The following FBXL13 variants were observed in gnomAD, a reference collection of about 807,000 sequenced individuals.
FBXL13 encodes the protein F-box and leucine rich repeat protein 13, also known as F-box and leucine-rich repeat protein 13.
FBXL13 carries 67 observed loss-of-function variants against 83.6 expected under a neutral mutation model. The observed-to-expected ratio is 0.80, with a 90% CI of 0.66 to 0.98. The LOEUF is 0.98. Ranked by LOEUF, FBXL13 falls within the 50% of genes least tolerant of loss-of-function variation. FBXL13 has a pLI of 0.00. For missense variants in FBXL13, 822 were observed against 866.5 expected, an observed-to-expected ratio of 0.95 and a Z score of 0.64; for synonymous variants, 272 against 299.5, an observed-to-expected ratio of 0.91 and a Z score of 0.95.
At chr7:103,031,123 T>C (rs1794469991) in intron 2 of FBXL13, 1 of 152,222 alleles carries the variant, frequency 6.6e-6, no homozygotes, top group African/African-American at 2.4e-5. Flanking sequence ...AGCCCAGTAA[T>C]GCCCCATTCC....
At chr7:102,962,231 A>T (rs1311427834) in intron 8 of FBXL13, among the ~76,000 whole-genome samples, 1 of 152,008 alleles carries the variant, frequency 6.6e-6, no homozygotes, top group Non-Finnish European at 1.5e-5. Flanking sequence ...AAACACATGA[A>T]AAAATGCTCA....
At chr7:102,992,931 G>A (rs1476228655) in intron 6 of FBXL13, among the ~76,000 whole-genome samples, 3 of 152,196 alleles carry the variant, frequency 2.0e-5, no homozygotes, top group Admixed American at 6.5e-5. Flanking sequence ...CAGAGACAGC[G>A]ATTAAGACTA....
At chr7:102,854,356 T>C (rs946328226) in intron 17 of FBXL13, among the ~76,000 whole-genome samples, 8 of 151,860 alleles carry the variant, frequency 5.3e-5, no homozygotes, top group African/African-American at 1.5e-4. Flanking sequence ...GAACATCACA[T>C]TCTGGGGACT....
chr7:103,030,840 T>C (rs992963017), intron 2 of FBXL13, among the ~76,000 whole-genome samples: 2 of 152,224 alleles, frequency 1.3e-5, no homozygotes, highest in Non-Finnish European at 2.9e-5. Flanking sequence ...CATTAATTCA[T>C]GATTTATAAT....
chr7:102,859,720 T>A (rs1159913091), intron 16 of FBXL13, among the ~76,000 whole-genome samples: 1 of 152,134 alleles, frequency 6.6e-6, no homozygotes, highest in Non-Finnish European at 1.5e-5. Flanking sequence ...AGCTGTGGCA[T>A]CACTGCAATG....
Position 102,913,535 on chromosome 7 carries a change from T to C in FBXL13, c.879-320A>G, listed in dbSNP as rs139182817. On this transcript the variant is annotated intron_variant, in intron 10 of 19. Transcript: ENST00000313221. ...GTGTGAGGTGGGGGAGGCAATCATA[T>C]TGTTTGGAAGTGAAACCAAATTTGC... is the stretch of plus-strand genomic sequence containing the variant. Among the ~76,000 whole-genome samples, 568 of 152,304 alleles carry C rather than the reference T, an allele frequency of 3.7e-3. 6 individuals carry two copies. The highest frequency in any genetic ancestry group is 0.013 in the African/African-American group (561 of 41,564).
intron 10 of FBXL13, among the ~76,000 whole-genome samples, chr7:102,920,955 C>CTCGT (rs1584943713): frequency 6.6e-6 from 1 of 151,888 alleles, no homozygotes; most frequent in Non-Finnish European, 1.5e-5. Flanking sequence ...AGTTCGAGAC[C>CTCGT]GGCCTGGCCA....
At chr7:102,966,514 C>T (rs1250713729) in intron 7 of FBXL13, among the ~76,000 whole-genome samples, 1 of 152,044 alleles carries the variant, frequency 6.6e-6, no homozygotes, top group African/African-American at 2.4e-5. Flanking sequence ...AGAATATATA[C>T]AATATTTAGA....
At chr7:103,022,149 C>G (rs909727828) in intron 6 of FBXL13, among the ~76,000 whole-genome samples, 11 of 152,064 alleles carry the variant, frequency 7.2e-5, no homozygotes, top group African/African-American at 2.7e-4. Flanking sequence ...ACTATGCAGC[C>G]ATAAAAAATG....
chr7:103,000,207 G>C (rs1790249803), intron 6 of FBXL13, among the ~76,000 whole-genome samples: 1 of 151,972 alleles, frequency 6.6e-6, no homozygotes, highest in African/African-American at 2.4e-5. Flanking sequence ...TGTTTGTATA[G>C]TTTCCAAAGT....
At chr7:103,048,257 A>C (rs1796473858) in intron 2 of FBXL13, among the ~76,000 whole-genome samples, 1 of 152,082 alleles carries the variant, frequency 6.6e-6, no homozygotes, top group Admixed American at 6.5e-5. Flanking sequence ...ACTTGATATT[A>C]TGAACTAGAA....
chr7:103,042,972 G>C (rs1249552274), intron 2 of FBXL13, among the ~76,000 whole-genome samples: 1 of 152,192 alleles, frequency 6.6e-6, no homozygotes, highest in African/African-American at 2.4e-5. Context: ...AGACACATGA[G>C]ATCTAATTAA....
At chr7:102,986,350 A>G (rs1331533944) in intron 6 of FBXL13, among the ~76,000 whole-genome samples, 2 of 152,164 alleles carry the variant, frequency 1.3e-5, no homozygotes, top group Non-Finnish European at 2.9e-5. Flanking sequence ...GGCTCATGAC[A>G]GATATTTGTG....
At chr7:103,036,244 G>T (rs918309961) in intron 2 of FBXL13, among the ~76,000 whole-genome samples, 33 of 152,204 alleles carry the variant, frequency 2.2e-4, no homozygotes, top group Admixed American at 5.2e-4. Flanking sequence ...GTACCAAAAA[G>T]GTTGGTGACC....
intron 16 of FBXL13, among the ~76,000 whole-genome samples, chr7:102,872,563 C>T (rs1584725619): frequency 1.3e-5 from 2 of 152,208 alleles, no homozygotes; most frequent in Admixed American, 6.5e-5. Flanking sequence ...ACAAATATGG[C>T]GGTGACTAAG....
chr7:102,967,757 G>A (rs879913859), intron 7 of FBXL13, among the ~76,000 whole-genome samples: 9 of 152,214 alleles, frequency 5.9e-5, no homozygotes, highest in Admixed American at 2.0e-4. Flanking sequence ...CCAATAAAAT[G>A]GAGCTTTGTT....
chr7:102,877,167 A>G (rs1809384223), intron 16 of FBXL13, among the ~76,000 whole-genome samples: 1 of 152,202 alleles, frequency 6.6e-6, no homozygotes, highest in Admixed American at 6.5e-5. Flanking sequence ...TCTAACATAT[A>G]TTATCTCCAT....
intron 8 of FBXL13, among the ~76,000 whole-genome samples, chr7:102,946,889 T>C (rs1306646837): frequency 6.6e-6 from 1 of 152,070 alleles, no homozygotes; most frequent in African/African-American, 2.4e-5. Flanking sequence ...TTGGTCAGGC[T>C]GGTCTCGAAC....
At chr7:102,868,152 G>A (rs189819424) in intron 16 of FBXL13, among the ~76,000 whole-genome samples, 56 of 152,182 alleles carry the variant, frequency 3.7e-4, no homozygotes, top group Non-Finnish European at 6.6e-4. Context: ...TTTCTTTGTG[G>A]TGAGCACATT....
Sources: gnomAD v4.1 joint callset for allele counts (sites outside exome capture counted in the v4.1 genomes callset) on GRCh38, gnomAD v4.1.1 for gene constraint, MANE v1.5 for transcripts, NCBI Gene and HGNC (gene_info 2026-07-23, HGNC 2026-07-21) for gene names.